VGLL4: variants seen among roughly 807,000 people sequenced by gnomAD.
The protein encoded by VGLL4 is transcription cofactor vestigial-like protein 4.
Under a neutral mutation model 21.0 loss-of-function variants are expected in VGLL4, and 7 were observed. The observed-to-expected ratio is 0.33, with a 90% confidence interval of 0.19 to 0.63. The LOEUF is 0.63. Among genes scored for constraint, VGLL4 ranks in the 20% least tolerant of loss-of-function variants. The pLI is 0.78. For synonymous variants in VGLL4, 222 were observed against 173.2 expected (o/e 1.28, Z -2.21); for missense variants, 394 against 425.7 (o/e 0.93, Z 0.66).
At chr3:11,571,033 C>T (rs969819354) in intron 2 of VGLL4, among the ~76,000 whole-genome samples, 3 of 152,158 alleles carry the variant, frequency 2.0e-5, no homozygotes, top group Non-Finnish European at 2.9e-5. Flanking sequence ...TGGGTGAAGA[C>T]GATGTTTGCC....
intron 1 of VGLL4, among the ~76,000 whole-genome samples, chr3:11,632,257 G>A (rs1426017091): frequency 6.6e-6 from 1 of 152,068 alleles, no homozygotes; most frequent in African/African-American, 2.4e-5. Flanking sequence ...AGGTTGCAAT[G>A]AGCTGAGATC....
At chr3:11,690,207 G>A (rs1251209249) in intron 2 of VGLL4, among the ~76,000 whole-genome samples, 3 of 151,864 alleles carry the variant, frequency 2.0e-5, no homozygotes, top group African/African-American at 7.3e-5. Context: ...TTTTGTTTTT[G>A]TTTTCCTTTT....
At chr3:11,712,551 T>G (rs1369463813) in intron 1 of VGLL4, among the ~76,000 whole-genome samples, 1 of 152,214 alleles carries the variant, frequency 6.6e-6, no homozygotes, top group Non-Finnish European at 1.5e-5. Flanking sequence ...AATATGATTA[T>G]TATTTTTCTT....
At chr3:11,709,588 G>C (rs2076812112) in intron 1 of VGLL4, among the ~76,000 whole-genome samples, 1 of 151,646 alleles carries the variant, frequency 6.6e-6, no homozygotes, top group Non-Finnish European at 1.5e-5. Context: ...TGTTGTTGTG[G>C]ATTTTTTTTT....
At chr3:11,593,799 G>C (rs1478131931) in intron 2 of VGLL4, among the ~76,000 whole-genome samples, 1 of 152,166 alleles carries the variant, frequency 6.6e-6, no homozygotes, top group African/African-American at 2.4e-5. Context: ...CTCACACCAG[G>C]ACCGTGTTTC....
chr3:11,644,207 G>A (rs1690566253), upstream of VGLL4, among the ~76,000 whole-genome samples: 1 of 152,190 alleles, frequency 6.6e-6, no homozygotes, highest in Non-Finnish European at 1.5e-5. Context: ...CATCATGGAA[G>A]CAAACTCCCA....
At chr3:11,603,636 C>T (rs1047026875) in intron 1 of VGLL4, among the ~76,000 whole-genome samples, 8 of 152,148 alleles carry the variant, frequency 5.3e-5, no homozygotes, top group Non-Finnish European at 8.8e-5. Flanking sequence ...CCCCCAGGAA[C>T]GCAGCAACTG....
intron 2 of VGLL4, among the ~76,000 whole-genome samples, chr3:11,570,287 C>A (rs2125161121): frequency 6.6e-6 from 1 of 152,196 alleles, no homozygotes; most frequent in South Asian, 2.1e-4. Flanking sequence ...TGCCAGGAGG[C>A]CTTTCCGACC....
chr3:11,717,312 T>C (rs754604390), intron 1 of VGLL4, among the ~76,000 whole-genome samples: 12 of 152,008 alleles, frequency 7.9e-5, no homozygotes, highest in South Asian at 2.1e-4. Context: ...ACAACTTTTA[T>C]TGTTAACCTA....
intron 1 of VGLL4, chr3:11,607,228 T>C (rs1406627176): frequency 6.6e-6 from 1 of 152,138 alleles, no homozygotes; most frequent in African/African-American, 2.4e-5. Flanking sequence ...GAAATATCCA[T>C]GATGTAATAT....
chr3:11,706,374 A>C (rs2076761200), intron 1 of VGLL4, among the ~76,000 whole-genome samples: 1 of 152,236 alleles, frequency 6.6e-6, no homozygotes, highest in African/African-American at 2.4e-5. Context: ...TGCCCAGAAA[A>C]GGTTAAGGAG....
rs900614149 is a variant in VGLL4 at position 11,565,032 on chromosome 3, A to C, written c.273-13T>G. 27 of 1,469,092 alleles carry C rather than the reference A, an allele frequency of 1.8e-5. No homozygotes were observed. The highest frequency in any genetic ancestry group is 1.8e-4 in the Middle Eastern group (1 of 5,546). 91.0% of individuals were successfully genotyped at this position (1,469,092 alleles called of 1,614,324 possible). A position where few individuals can be genotyped will look rare whatever the true frequency, so the allele number is the denominator to read the frequency against. ...GGCAGTCTTGTTCCTGAAAAAGAGG[A>C]ATGGGCATTCAGGGGGCGTTTTCTC... On this transcript the variant is annotated splice_polypyrimidine_tract_variant and intron_variant, in intron 2 of 4. Transcript: ENST00000430365. This position sits in a 1 kb window ranked among gnomAD's most constrained non-coding sequence, Gnocchi z 4.1.
chr3:11,695,759 C>T (rs186708097), intron 2 of VGLL4, among the ~76,000 whole-genome samples: 12 of 152,164 alleles, frequency 7.9e-5, no homozygotes, highest in African/African-American at 2.4e-4. Context: ...CTGAGGATCG[C>T]GGATAGCAGC....
chr3:11,700,877 C>T (rs549121132), intron 2 of VGLL4, among the ~76,000 whole-genome samples: 1 of 152,328 alleles, frequency 6.6e-6, no homozygotes, highest in South Asian at 2.1e-4. Context: ...ATTTAACATC[C>T]TTGAACTTCA....
chr3:11,622,104 A>C (rs181348063), intron 1 of VGLL4, among the ~76,000 whole-genome samples: 6 of 152,314 alleles, frequency 3.9e-5, no homozygotes, highest in Admixed American at 6.5e-5. Context: ...CTTTTCCTTC[A>C]AATCTATTAT....
intron 1 of VGLL4, among the ~76,000 whole-genome samples, chr3:11,621,221 A>T (rs2075260326): frequency 6.6e-6 from 1 of 152,190 alleles, no homozygotes; most frequent in South Asian, 2.1e-4. Context: ...AAAGTGTCTG[A>T]CTCAATGTGT....
chr3:11,645,361 C>A (rs965323368), upstream of VGLL4, among the ~76,000 whole-genome samples: 3 of 150,618 alleles, frequency 2.0e-5, no homozygotes, highest in Admixed American at 1.3e-4. Flanking sequence ...GAGGCCGAGG[C>A]GGGTGGATCA....
chr3:11,654,397 T>C (rs1033405995), intron 2 of VGLL4, among the ~76,000 whole-genome samples: 1 of 152,216 alleles, frequency 6.6e-6, no homozygotes, highest in East Asian at 1.9e-4. Context: ...AGCAGGCTCC[T>C]TGGCTCCTCT....
rs552669244 is a variant in VGLL4 at position 11,575,923 on chromosome 3, C to G, written c.273-10904G>C. Among the ~76,000 whole-genome samples the G allele has an allele frequency of 3.3e-5, 5 of 152,384 alleles. No individual in the cohort carries two copies. In the East Asian group the frequency reaches 9.6e-4, roughly 29 times the overall value. On this transcript the variant is annotated intron_variant, in intron 2 of 4. Coordinates refer to ENST00000430365, the MANE Select transcript of VGLL4 (RefSeq NM_001128219.3). Reference sequence around the variant, plus strand: ...TAGAGAGGCGGGACTCACGGAAATGCTGGCCAGCAGCGCGGAGCCCGTCCA... The same window carrying G: ...TAGAGAGGCGGGACTCACGGAAATGGTGGCCAGCAGCGCGGAGCCCGTCCA...
Sources: gnomAD v4.1 joint callset for allele counts (sites outside exome capture counted in the v4.1 genomes callset) on GRCh38, gnomAD v4.1.1 for gene constraint, Gnocchi (gnomAD v3.1) non-coding constraint, MANE v1.5 for transcripts, NCBI Gene and HGNC (gene_info 2026-07-23, HGNC 2026-07-21) for gene names.